Variants in CENPM observed in about 807,000 individuals in gnomAD.
CENPM encodes the protein centromere protein M.
CENPM carries 14 observed loss-of-function variants against 19.6 expected under a neutral mutation model. The ratio of observed to expected loss-of-function variants is 0.71; its 90% CI spans 0.47 to 1.11. The LOEUF (loss-of-function observed/expected upper bound fraction) is 1.11, where lower values mean the gene tolerates loss of function less well. Among genes scored for constraint, CENPM ranks in the 50% most tolerant of loss-of-function variants. The probability of loss-of-function intolerance (pLI) is 0.00; values close to 1 mark genes in which losing one functional copy is unlikely to be tolerated. For missense variants in CENPM, 239 were observed against 228.4 expected, an observed-to-expected ratio of 1.05 and a Z score of -0.30; for synonymous variants, 114 against 101.5, an observed-to-expected ratio of 1.12 and a Z score of -0.74.
At chr22:41,931,720 C>T in the CENPM span, among the ~76,000 whole-genome samples, 9 of 151,630 alleles carry the variant, frequency 5.9e-5, no homozygotes, top group East Asian at 2.0e-4. Flanking sequence ...GACTGTGAAG[C>T]GTGGCCTGGG....
Position 41,946,677 on chromosome 22 carries a change from T to C in CENPM, c.58-181A>G. On this transcript the variant is annotated intron_variant, in intron 1 of 5. Coordinates refer to ENST00000215980, the MANE Select transcript of CENPM (RefSeq NM_024053.5). ...CTGGGGGCCTGAGGTTTGGACCCGC[T>C]GCAGGCCTGTGGGCACCGCACTCTC... is the stretch of plus-strand genomic sequence containing the variant. 6.6e-6 allele frequency: 4 copies of C among 610,314 alleles called. No individual in the cohort carries two copies. In the South Asian group the frequency reaches 7.9e-5, roughly 12 times the overall value. The allele number at this position is 610,314 out of a possible 1,614,324, so 37.8% of individuals were successfully genotyped here.
At chr22:41,946,548 G>T in intron 1 of CENPM, 52 bp from the exon 2 acceptor site, 1 of 1,507,824 alleles carries the variant, frequency 6.6e-7, no homozygotes, top group South Asian at 1.1e-5. Context: ...GCACCCCCTG[G>T]GGAGGGCCTG....
At chr22:41,935,633 G>A (rs1311464192), downstream of CENPM, among the ~76,000 whole-genome samples, 1 of 152,158 alleles carries the variant, frequency 6.6e-6, no homozygotes, top group Non-Finnish European at 1.5e-5. Flanking sequence ...AGTGCCCGAG[G>A]GGCTTTTTGC....
the CENPM span, among the ~76,000 whole-genome samples, chr22:41,927,254 G>T: frequency 6.6e-6 from 1 of 152,052 alleles, no homozygotes; most frequent in African/African-American, 2.4e-5. Flanking sequence ...CCCCAATTCA[G>T]CCCCTCAACC....
chr22:41,944,195 G>A, intron 4 of CENPM: 3 of 956,542 alleles, frequency 3.1e-6, no homozygotes, highest in Non-Finnish European at 3.7e-6. Context: ...TGTAATCCCA[G>A]CACTATCTGA....
chr22:41,935,617 C>T (rs1602381074), downstream of CENPM, among the ~76,000 whole-genome samples: 3 of 152,256 alleles, frequency 2.0e-5, no homozygotes, highest in Admixed American at 1.3e-4. Flanking sequence ...CTGGCTTCCC[C>T]GACCAAGTGC....
At chr22:41,929,572 G>A in the CENPM span, among the ~76,000 whole-genome samples, 2 of 152,222 alleles carry the variant, frequency 1.3e-5, no homozygotes, top group Non-Finnish European at 2.9e-5. Context: ...GAGAGTGGGA[G>A]GGCTGGAGCC....
chr22:41,928,164 A>G, the CENPM span: 1 of 430,836 alleles, frequency 2.3e-6, no homozygotes, highest in Non-Finnish European at 4.6e-6. The surrounding 1 kb of genome is among the most constrained non-coding windows in gnomAD (Gnocchi z 4.0). Context: ...AGGACCCAGG[A>G]AGATCTGCCT....
At chr22:41,932,373 G>T in the CENPM span, among the ~76,000 whole-genome samples, 1 of 152,204 alleles carries the variant, frequency 6.6e-6, no homozygotes, top group African/African-American at 2.4e-5. This position sits in a 1 kb window ranked among gnomAD's most constrained non-coding sequence, Gnocchi z 4.3. Context: ...ACAAAGTCCT[G>T]GCGAGTCCAG....
At chr22:41,931,856 T>C in the CENPM span, among the ~76,000 whole-genome samples, 2 of 152,272 alleles carry the variant, frequency 1.3e-5, no homozygotes, top group Non-Finnish European at 2.9e-5. Context: ...GATGTGAAAC[T>C]GCTCTGGGGC....
At chr22:41,945,414 G>A in intron 3 of CENPM, 110 bp from the exon 4 acceptor site, 2 of 1,526,410 alleles carry the variant, frequency 1.3e-6, no homozygotes, top group South Asian at 1.2e-5. Flanking sequence ...ATGACAAGAG[G>A]GTGACTTTCT....
At chr22:41,940,313 C>A in intron 5 of CENPM, 1 of 614,348 alleles carries the variant, frequency 1.6e-6, no homozygotes, top group Non-Finnish European at 3.0e-6. Flanking sequence ...TTACCACCAC[C>A]TGACACGCCA....
the CENPM span, among the ~76,000 whole-genome samples, chr22:41,929,333 G>A: frequency 6.6e-6 from 1 of 152,162 alleles, no homozygotes; most frequent in African/African-American, 2.4e-5. Flanking sequence ...CTGAGTACCA[G>A]GCAGCTCATT....
At chr22:41,946,224 G>T (rs1289333447) in intron 2 of CENPM, 193 bp downstream of exon 2, 2 of 647,720 alleles carry the variant, frequency 3.1e-6, no homozygotes, top group African/African-American at 3.7e-5. Context: ...CCAGAAACGG[G>T]CTCTGTTTAG....
At chr22:41,941,678 G>A (rs1051537024) in intron 5 of CENPM, among the ~76,000 whole-genome samples, 1 of 152,200 alleles carries the variant, frequency 6.6e-6, no homozygotes, top group African/African-American at 2.4e-5. Context: ...TGAGCAAGTC[G>A]CCTGTTCTCT....
At chr22:41,929,017 A>G in the CENPM span, among the ~76,000 whole-genome samples, 1 of 151,726 alleles carries the variant, frequency 6.6e-6, no homozygotes, top group Non-Finnish European at 1.5e-5. Context: ...TACATGGGCC[A>G]GCAGCTCCCA....
chr22:41,946,383 C>T, intron 2 of CENPM, 34 bp downstream of exon 2: 1 of 1,583,130 alleles, frequency 6.3e-7, no homozygotes, highest in Non-Finnish European at 8.7e-7. Context: ...GAGTGAGAGA[C>T]ACGTGGGCCC....
the CENPM span, among the ~76,000 whole-genome samples, chr22:41,927,331 T>C: frequency 2.0e-5 from 3 of 152,138 alleles, no homozygotes; most frequent in African/African-American, 7.2e-5. Flanking sequence ...GAGCCTCCTC[T>C]TGGGTAGGGA....
chr22:41,931,575 G>A, the CENPM span, among the ~76,000 whole-genome samples: 1 of 152,176 alleles, frequency 6.6e-6, no homozygotes, highest in East Asian at 1.9e-4. Context: ...TTCTCCTGAA[G>A]ACACCCTCAC....
Sources: gnomAD v4.1 joint callset for allele counts (sites outside exome capture counted in the v4.1 genomes callset) on GRCh38, gnomAD v4.1.1 for gene constraint, Gnocchi (gnomAD v3.1) non-coding constraint, MANE v1.5 for transcripts, NCBI Gene and HGNC (gene_info 2026-07-23, HGNC 2026-07-21) for gene names.